The following ADAMTSL3 variants were observed in gnomAD, a reference collection of about 807,000 sequenced individuals.
ADAMTSL3 encodes the protein ADAMTS like 3, also known as ADAMTS-like protein 3.
ADAMTSL3 carries 128 observed loss-of-function variants against 201.7 expected under a neutral mutation model. The ratio of observed to expected loss-of-function variants is 0.63; its 90% confidence interval spans 0.55 to 0.73. ADAMTSL3 has a LOEUF of 0.73. ADAMTSL3 is among the 30% of genes least tolerant of loss of function. The pLI, the probability that ADAMTSL3 is intolerant of heterozygous loss-of-function variation, is 0.00. For missense variants in ADAMTSL3, 1,990 were observed against 2,119.6 expected (o/e 0.94, Z 1.20); for synonymous variants, 738 against 748.4 (o/e 0.99, Z 0.23).
intron 3 of ADAMTSL3, among the ~76,000 whole-genome samples, chr15:83,733,883 G>A (rs1216498031): frequency 2.0e-5 from 3 of 152,116 alleles, no homozygotes; most frequent in Non-Finnish European, 4.4e-5. Flanking sequence ...AAGCATGGAA[G>A]TGACTTGGAC....
At chr15:83,982,214 T>C in intron 20 of ADAMTSL3, 59 bp from the exon 21 acceptor site, 1 of 1,337,586 alleles carries the variant, frequency 7.5e-7, no homozygotes, top group Non-Finnish European at 1.0e-6. Flanking sequence ...TGTCAAAAAG[T>C]CTGTATTTTT....
At chr15:83,723,216 C>G (rs2062125499) in intron 3 of ADAMTSL3, among the ~76,000 whole-genome samples, 1 of 152,066 alleles carries the variant, frequency 6.6e-6, no homozygotes, top group African/African-American at 2.4e-5. Context: ...TATTTCTAAT[C>G]AATAAAATAT....
At chr15:83,732,021 CTA>C (rs60875725) in intron 3 of ADAMTSL3, among the ~76,000 whole-genome samples, 16,826 of 151,924 alleles carry the variant, frequency 0.11, 1,043 homozygotes, top group East Asian at 0.28. Context: ...TGGAAATTTG[CTA>C]TGAGAGTAAA....
At chr15:83,866,771 ATAAG>A (rs2064988777) in intron 8 of ADAMTSL3, among the ~76,000 whole-genome samples, 1 of 152,182 alleles carries the variant, frequency 6.6e-6, no homozygotes, top group African/African-American at 2.4e-5. Context: ...AAAAAAAAGA[ATAAG>A]TAAAGGTGAA....
intron 27 of ADAMTSL3, among the ~76,000 whole-genome samples, chr15:84,029,853 G>A (rs1404967522): frequency 6.6e-6 from 1 of 152,200 alleles, no homozygotes; most frequent in Non-Finnish European, 1.5e-5. Context: ...CCGAGCACTT[G>A]GAGCCCTGTG....
chr15:83,878,971 A>G (rs180939023), intron 9 of ADAMTSL3, among the ~76,000 whole-genome samples: 3 of 152,200 alleles, frequency 2.0e-5, no homozygotes, highest in South Asian at 2.1e-4. Flanking sequence ...CAGATTCTTT[A>G]GATTTTCTTA....
chr15:83,663,993 C>T (rs2061212813), intron 2 of ADAMTSL3, among the ~76,000 whole-genome samples: 1 of 152,186 alleles, frequency 6.6e-6, no homozygotes, highest in Non-Finnish European at 1.5e-5. Context: ...AGAGCTCTGC[C>T]TTTGCCCTCC....
At chr15:84,011,710 A>G (rs1171156230) in intron 23 of ADAMTSL3, among the ~76,000 whole-genome samples, 1 of 152,242 alleles carries the variant, frequency 6.6e-6, no homozygotes, top group Non-Finnish European at 1.5e-5. Flanking sequence ...AAGAAAATCA[A>G]TTAGAAAAAC....
chr15:83,868,325 A>G (rs1398639977), intron 8 of ADAMTSL3, among the ~76,000 whole-genome samples: 2 of 152,248 alleles, frequency 1.3e-5, no homozygotes, highest in African/African-American at 2.4e-5. Context: ...ACTTAAAGGT[A>G]TCCATAAGTC....
At chr15:83,767,189 A>G (rs939055254) in intron 3 of ADAMTSL3, among the ~76,000 whole-genome samples, 2 of 152,260 alleles carry the variant, frequency 1.3e-5, no homozygotes, top group African/African-American at 4.8e-5. Flanking sequence ...GGTGATATCT[A>G]TCTTAAAGGG....
At chr15:83,670,777 C>T (rs953029782) in intron 2 of ADAMTSL3, among the ~76,000 whole-genome samples, 1 of 152,210 alleles carries the variant, frequency 6.6e-6, no homozygotes, top group Admixed American at 6.5e-5. Context: ...ACACTTAGCA[C>T]AACTGCCTGA....
At chr15:83,657,214 G>A (rs2061099052) in intron 2 of ADAMTSL3, among the ~76,000 whole-genome samples, 1 of 41,336 alleles carries the variant, frequency 2.4e-5, no homozygotes, top group African/African-American at 2.2e-4. Context: ...GAGGCTTCAA[G>A]GCACAGTGTT....
chr15:83,788,917 C>CT (rs1466066458), intron 4 of ADAMTSL3, among the ~76,000 whole-genome samples: 2 of 152,156 alleles, frequency 1.3e-5, no homozygotes, highest in South Asian at 4.1e-4. Flanking sequence ...TGAAGCAACT[C>CT]TCCTGCCTCA....
chr15:83,999,627 AATG>A (rs2067753474), intron 23 of ADAMTSL3, among the ~76,000 whole-genome samples: 1 of 152,116 alleles, frequency 6.6e-6, no homozygotes, highest in African/African-American at 2.4e-5. Context: ...TGCACAAACA[AATG>A]ATGGGAAGTG....
At chr15:83,729,959 T>A (rs74024551) in intron 3 of ADAMTSL3, among the ~76,000 whole-genome samples, 2,003 of 152,228 alleles carry the variant, frequency 0.013, 50 homozygotes, top group African/African-American at 0.045. Context: ...CTTTGGTCAC[T>A]GCAGCCATAC....
At chr15:83,767,461 C>A (rs1203850065) in intron 3 of ADAMTSL3, among the ~76,000 whole-genome samples, 2 of 152,128 alleles carry the variant, frequency 1.3e-5, no homozygotes, top group Admixed American at 6.5e-5. Context: ...TTGAGACAAC[C>A]TAAAGAGATG....
At chr15:84,005,554 C>A (rs985465229) in intron 23 of ADAMTSL3, among the ~76,000 whole-genome samples, 5 of 152,150 alleles carry the variant, frequency 3.3e-5, no homozygotes, top group African/African-American at 1.2e-4. Context: ...ACTTTCTAGC[C>A]TATAAATAAG....
intron 9 of ADAMTSL3, among the ~76,000 whole-genome samples, chr15:83,872,598 C>A (rs1451706355): frequency 8.6e-5 from 4 of 46,514 alleles, no homozygotes; most frequent in South Asian, 5.2e-4. Context: ...AAAATATACA[C>A]CACACACACA....
chr15:83,909,867 C>T (rs979441613), intron 15 of ADAMTSL3, among the ~76,000 whole-genome samples: 16 of 152,144 alleles, frequency 1.1e-4, no homozygotes, highest in African/African-American at 3.9e-4. Flanking sequence ...CCACCCACCT[C>T]GGCCTCCCAA....
Sources: allele counts gnomAD v4.1 joint callset (sites outside exome capture counted in the v4.1 genomes callset), GRCh38; gene constraint gnomAD v4.1.1; transcripts MANE v1.5; gene names NCBI Gene and HGNC (gene_info 2026-07-23, HGNC 2026-07-21).